The following DAPP1 variants were observed in gnomAD, a reference collection of about 807,000 sequenced individuals.
The protein encoded by DAPP1 is dual adapter for phosphotyrosine and 3-phosphotyrosine and 3-phosphoinositide.
DAPP1 carries 20 observed loss-of-function variants against 41.5 expected under a neutral mutation model. The ratio of observed to expected loss-of-function variants is 0.48; its 90% CI spans 0.34 to 0.70. The LOEUF (loss-of-function observed/expected upper bound fraction) is 0.70. Ranked by LOEUF, DAPP1 falls within the 30% of genes least tolerant of loss-of-function variation. The pLI, the probability that DAPP1 is intolerant of heterozygous loss-of-function variation, is 0.01. For missense variants in DAPP1, 233 were observed against 333.4 expected (o/e 0.70, Z 2.35); for synonymous variants, 113 against 116.2 (o/e 0.97, Z 0.18).
intron 1 of DAPP1, among the ~76,000 whole-genome samples, chr4:99,824,329 A>G (rs538257829): frequency 1.5e-4 from 23 of 152,348 alleles, no homozygotes; most frequent in African/African-American, 5.3e-4. Flanking sequence ...CCAAGACCAG[A>G]ACTCAAGCCT....
intron 2 of DAPP1, among the ~76,000 whole-genome samples, chr4:99,836,018 GA>G (rs1424152155): frequency 1.3e-5 from 2 of 152,144 alleles, no homozygotes; most frequent in Non-Finnish European, 2.9e-5. Flanking sequence ...CAAAGCGGTG[GA>G]ATGTCTGGTA....
intron 7 of DAPP1, chr4:99,865,148 C>T (rs1055876991): frequency 1.3e-5 from 2 of 152,218 alleles, no homozygotes; most frequent in Admixed American, 6.5e-5. Flanking sequence ...CAGAGACTTA[C>T]CTCTTACCTA....
intron 1 of DAPP1, among the ~76,000 whole-genome samples, chr4:99,832,366 C>T (rs1723155604): frequency 6.6e-6 from 1 of 152,222 alleles, no homozygotes; most frequent in Non-Finnish European, 1.5e-5. Context: ...CATTCACTCC[C>T]CTGAAAGAAA....
intron 5 of DAPP1, 98 bp downstream of exon 5, chr4:99,861,723 T>C (rs1724245520): frequency 1.5e-6 from 2 of 1,352,230 alleles, no homozygotes; most frequent in Non-Finnish European, 2.1e-6. Flanking sequence ...GGAAGCATAA[T>C]TGCCTGCTCA....
At chr4:99,853,144 A>G (rs1415765828) in intron 3 of DAPP1, 74 bp from the exon 4 acceptor site, 1 of 1,543,228 alleles carries the variant, frequency 6.5e-7, no homozygotes, top group African/African-American at 1.4e-5. Flanking sequence ...CAATCCAGCC[A>G]CAGTTATCCA....
At chr4:99,819,727 G>A (rs1722703930) in intron 1 of DAPP1, among the ~76,000 whole-genome samples, 1 of 134,706 alleles carries the variant, frequency 7.4e-6, no homozygotes, top group Admixed American at 7.0e-5. Flanking sequence ...GGTTATTTGA[G>A]TAGTTAGATA....
intron 7 of DAPP1, 60 bp from the exon 8 acceptor site, chr4:99,865,966 TTATATATA>T (rs144437006): frequency 2.5e-5 from 2 of 80,338 alleles, no homozygotes; most frequent in Admixed American, 1.9e-4. Context: ...ATTATATATA[TTATATATA>T]TATATATATA....
chr4:99,867,066 G>A (rs903103569), intron 8 of DAPP1, among the ~76,000 whole-genome samples: 2 of 151,942 alleles, frequency 1.3e-5, no homozygotes, highest in Non-Finnish European at 2.9e-5. Flanking sequence ...CACCATGCCC[G>A]GCCAGATGAT....
At chr4:99,840,114 A>C (rs902079337) in intron 2 of DAPP1, among the ~76,000 whole-genome samples, 175 bp from the exon 3 acceptor site, 6 of 152,198 alleles carry the variant, frequency 3.9e-5, no homozygotes, top group African/African-American at 1.4e-4. Flanking sequence ...TGAAAAGAGC[A>C]AACTCTGCCA....
rs1724571797 is a variant in DAPP1 at position 99,869,424 on chromosome 4, T to C, written c.*1239T>C. 6.6e-6 allele frequency: 1 copy of C among 152,076 alleles called. No individual in the cohort carries two copies. Among genetic ancestry groups the C allele is most frequent in the Middle Eastern group, 3.4e-3 (1 of 294 alleles). 9.4% of individuals were successfully genotyped at this position (152,076 alleles called of 1,614,324 possible). On this transcript the variant is annotated 3_prime_UTR_variant, in exon 9 of 9. Transcript: ENST00000512369. Reference sequence around the variant, plus strand: ...TAAAAATGCTTGAAGAGCCTGAGAGTAAAAAGATTATGCTGCAAAGCTATG... The same window carrying C: ...TAAAAATGCTTGAAGAGCCTGAGAGCAAAAAGATTATGCTGCAAAGCTATG...
chr4:99,834,396 T>A (rs997300790), intron 1 of DAPP1, among the ~76,000 whole-genome samples: 1 of 152,158 alleles, frequency 6.6e-6, no homozygotes, highest in Non-Finnish European at 1.5e-5. Flanking sequence ...TTTGAATTTT[T>A]TTTTTTTTAC....
intron 1 of DAPP1, among the ~76,000 whole-genome samples, chr4:99,834,445 T>G (rs555930260): frequency 2.9e-4 from 44 of 152,334 alleles, no homozygotes; most frequent in African/African-American, 1.0e-3. Context: ...ACAAATATCA[T>G]TTTGAATCTC....
intron 4 of DAPP1, among the ~76,000 whole-genome samples, chr4:99,857,108 T>A (rs1303178371): frequency 2.0e-5 from 3 of 152,224 alleles, no homozygotes; most frequent in Non-Finnish European, 4.4e-5. Context: ...GGCTAACTAT[T>A]CTTCAAAGAG....
chr4:99,860,385 C>A (rs1724197211), intron 4 of DAPP1, among the ~76,000 whole-genome samples: 1 of 152,136 alleles, frequency 6.6e-6, no homozygotes, highest in South Asian at 2.1e-4. Context: ...CAGATTTTAA[C>A]CTGCAACAGC....
chr4:99,822,956 C>T (rs554761045), intron 1 of DAPP1, among the ~76,000 whole-genome samples: 123 of 152,146 alleles, frequency 8.1e-4, no homozygotes, highest in Non-Finnish European at 1.5e-3. Flanking sequence ...CTTCCCCTGA[C>T]CCTGCCCACT....
chr4:99,844,759 T>C (rs530542868), intron 3 of DAPP1: 1 of 152,376 alleles, frequency 6.6e-6, no homozygotes, highest in African/African-American at 2.4e-5. Flanking sequence ...TCTGGTTTTT[T>C]GGTAAATGTC....
chr4:99,837,525 A>T (rs980738979), intron 2 of DAPP1, among the ~76,000 whole-genome samples: 1 of 152,190 alleles, frequency 6.6e-6, no homozygotes, highest in African/African-American at 2.4e-5. Context: ...AGATGAAAAA[A>T]TTATTAATCC....
At chr4:99,822,987 G>A (rs1722823107) in intron 1 of DAPP1, among the ~76,000 whole-genome samples, 1 of 152,074 alleles carries the variant, frequency 6.6e-6, no homozygotes, top group East Asian at 1.9e-4. Context: ...CCCATTATCT[G>A]TTGTTAGACC....
At chr4:99,840,223 T>C (rs1723449938) in intron 2 of DAPP1, 66 bp from the exon 3 acceptor site, 3 of 1,150,260 alleles carry the variant, frequency 2.6e-6, no homozygotes, top group Non-Finnish European at 3.6e-6. Context: ...ACATCTGAGA[T>C]CATATTTCCC....
Sources: allele counts gnomAD v4.1 joint callset (sites outside exome capture counted in the v4.1 genomes callset), GRCh38; gene constraint gnomAD v4.1.1; transcripts MANE v1.5; gene names NCBI Gene and HGNC (gene_info 2026-07-23, HGNC 2026-07-21).